The following AHCY variants were observed in gnomAD, a reference collection of about 807,000 sequenced individuals.
AHCY encodes the protein S-adenosyl-L-homocysteine hydrolase.
In AHCY, 24 loss-of-function variants were observed where a neutral mutation model predicts 45.4. That is an observed-to-expected ratio of 0.53 (90% CI 0.38 to 0.74). The LOEUF (loss-of-function observed/expected upper bound fraction) is 0.74. AHCY is among the 30% of genes least tolerant of loss of function. AHCY has a pLI of 0.00. For missense variants in AHCY, 449 were observed against 594.1 expected (o/e 0.76, Z 2.54); for synonymous variants, 245 against 235.1 (o/e 1.04, Z -0.39).
chr20:34,298,079 C>T (rs2036629949), intron 1 of AHCY, among the ~76,000 whole-genome samples: 2 of 152,042 alleles, frequency 1.3e-5, no homozygotes, highest in South Asian at 4.1e-4. Context: ...GCAGAGGCTG[C>T]AATGAGCTGA....
intron 1 of AHCY, among the ~76,000 whole-genome samples, chr20:34,296,229 T>G (rs1259048972): frequency 6.6e-6 from 1 of 152,158 alleles, no homozygotes; most frequent in East Asian, 1.9e-4. Flanking sequence ...CTCTCCCTTC[T>G]TTTTGCAAGC....
the AHCY span, among the ~76,000 whole-genome samples, chr20:34,245,357 GAGAC>G: frequency 6.7e-6 from 1 of 149,648 alleles, no homozygotes; most frequent in African/African-American, 2.5e-5. Context: ...AAAAGAGAGA[GAGAC>G]AAAGAGAAAG....
intron 8 of AHCY, among the ~76,000 whole-genome samples, chr20:34,289,390 GTCTCAAAC>G (rs1434174485): frequency 1.3e-5 from 2 of 149,432 alleles, no homozygotes; most frequent in African/African-American, 5.0e-5. Flanking sequence ...GGCCAGACTG[GTCTCAAAC>G]TCCTGACCTC....
At chr20:34,292,226 C>G (rs1324898584) in intron 4 of AHCY, 132 bp downstream of exon 4, 3 of 1,266,486 alleles carry the variant, frequency 2.4e-6, no homozygotes, top group African/African-American at 3.0e-5. Flanking sequence ...ATGCCAGAGC[C>G]TGCCATCCTC....
At chr20:34,268,776 G>A in the AHCY span, among the ~76,000 whole-genome samples, 32 of 151,964 alleles carry the variant, frequency 2.1e-4, no homozygotes, top group African/African-American at 7.2e-4. Flanking sequence ...ACACAAACTA[G>A]GGAGAAGACG....
chr20:34,274,162 C>T, the AHCY span, among the ~76,000 whole-genome samples: 8 of 152,134 alleles, frequency 5.3e-5, no homozygotes, highest in Non-Finnish European at 1.0e-4. Flanking sequence ...GCTCACTGCT[C>T]GAGGCCTGTG....
the AHCY span, chr20:34,269,122 C>A: frequency 1.3e-6 from 2 of 1,558,318 alleles, no homozygotes; most frequent in Non-Finnish European, 8.7e-7. Context: ...AGTGCCGCTT[C>A]TTCCGCAGCG....
Position 34,309,111 on chromosome 20 carries a change from C to T in AHCY, c.-57+2361G>A, listed in dbSNP as rs939415452. 3.3e-5 allele frequency among the ~76,000 whole-genome samples: 5 copies of T among 151,502 alleles called. No individual in the cohort carries two copies. In the East Asian group the frequency reaches 9.7e-4, roughly 29 times the overall value. On this transcript the variant is annotated intron_variant, in intron 1 of 9. Coordinates refer to the AHCY transcript ENST00000538132. ...AATAAGTGGGATTACAGGCATGCAC[C>T]ACCACACCCGGCTAATTTTTGTATT...
At chr20:34,261,570 C>G in the AHCY span, among the ~76,000 whole-genome samples, 1 of 150,824 alleles carries the variant, frequency 6.6e-6, no homozygotes, top group Non-Finnish European at 1.5e-5. Context: ...GGAGTTTGAG[C>G]CTACAATGAG....
At chr20:34,271,539 T>C in the AHCY span, among the ~76,000 whole-genome samples, 7 of 151,744 alleles carry the variant, frequency 4.6e-5, no homozygotes, top group African/African-American at 1.7e-4. Context: ...GTGCCCAAAG[T>C]TCTCATAGTG....
intron 2 of AHCY, 43 bp from the exon 3 acceptor site, chr20:34,294,199 C>T (rs1478431609): frequency 6.3e-7 from 1 of 1,581,938 alleles, no homozygotes; most frequent in South Asian, 1.1e-5. Flanking sequence ...ACTGATGGCT[C>T]AAAAGCACCA....
chr20:34,238,150 A>G, the AHCY span, among the ~76,000 whole-genome samples: 1 of 151,952 alleles, frequency 6.6e-6, no homozygotes, highest in Non-Finnish European at 1.5e-5. Context: ...TCTTACTTGG[A>G]GTTCATTGAG....
At chr20:34,275,472 T>C (rs943374901), downstream of AHCY, among the ~76,000 whole-genome samples, 1 of 152,012 alleles carries the variant, frequency 6.6e-6, no homozygotes, top group African/African-American at 2.4e-5. Context: ...TAACCTGGTG[T>C]CTTCAATGTC....
the AHCY span, among the ~76,000 whole-genome samples, chr20:34,260,063 C>A: frequency 6.6e-6 from 1 of 152,130 alleles, no homozygotes; most frequent in Non-Finnish European, 1.5e-5. Context: ...TAAAAAAACA[C>A]ACAGAAGCAG....
rs544121972 is a variant in AHCY, at chr20:34,290,985, G to A, written c.559-47C>T. 1.6e-5 allele frequency: 25 copies of A among 1,587,880 alleles called. No individual in the cohort carries two copies. The South Asian group carries it at 2.7e-4, about 17-fold the overall frequency. On this transcript the variant is annotated intron_variant, in intron 5 of 9. Coordinates refer to ENST00000217426, the MANE Select transcript of AHCY (RefSeq NM_000687.4). The surrounding 1 kb of genome is among the most constrained non-coding windows in gnomAD (Gnocchi z 4.5). ...AGACAATAGGGGCAGGCAAGGCCCT[G>A]GGGCCAGGACAACTTGGCCTCAGAG...
chr20:34,251,432 G>A, the AHCY span, among the ~76,000 whole-genome samples: 2 of 151,734 alleles, frequency 1.3e-5, no homozygotes, highest in Non-Finnish European at 2.9e-5. Flanking sequence ...CACCACGCCC[G>A]GCTGATTTTT....
intron 3 of AHCY, among the ~76,000 whole-genome samples, chr20:34,293,167 A>G (rs1214551780): frequency 6.6e-6 from 1 of 152,110 alleles, no homozygotes; most frequent in Non-Finnish European, 1.5e-5. Flanking sequence ...GACCATTATC[A>G]TCACTTACAG....
rs542074816 is a variant in AHCY at position 34,309,019 on chromosome 20, G to A, written c.-57+2453C>T. Among the ~76,000 whole-genome samples, 12 of 145,096 alleles carry A rather than the reference G, an allele frequency of 8.3e-5. No homozygotes were observed. The East Asian group carries it at 2.4e-3, about 29-fold the overall frequency. On this transcript the variant is annotated intron_variant, in intron 1 of 9. Transcript: ENST00000538132. ...CTGCTGCTCAAGCTAGGGTACAGTG[G>A]CACACTCTCAGCTCACTGCAACCTC...
At chr20:34,263,402 T>A in the AHCY span, among the ~76,000 whole-genome samples, 5 of 152,056 alleles carry the variant, frequency 3.3e-5, no homozygotes, top group African/African-American at 9.7e-5. Context: ...CCGTCTCTAC[T>A]AAAAATACAA....
Sources: gnomAD v4.1 joint callset for allele counts (sites outside exome capture counted in the v4.1 genomes callset) on GRCh38, gnomAD v4.1.1 for gene constraint, Gnocchi (gnomAD v3.1) non-coding constraint, MANE v1.5 for transcripts, NCBI Gene and HGNC (gene_info 2026-07-23, HGNC 2026-07-21) for gene names.